The following RNF40 variants were observed in gnomAD, a reference collection of about 807,000 sequenced individuals.
The protein encoded by RNF40 is E3 ubiquitin-protein ligase BRE1B.
In RNF40, 39 loss-of-function variants were observed where a neutral mutation model predicts 123.3. The ratio of observed to expected loss-of-function variants is 0.32; its 90% CI spans 0.24 to 0.41. The LOEUF (loss-of-function observed/expected upper bound fraction) is 0.41, where lower values mean the gene tolerates loss of function less well. Among genes scored for constraint, RNF40 ranks in the 10% least tolerant of loss-of-function variants. The pLI is 1.00. For missense variants in RNF40, 1,003 were observed against 1,319.9 expected (o/e 0.76, Z 3.72); for synonymous variants, 538 against 526.0 (o/e 1.02, Z -0.31).
Position 30,769,395 on chromosome 16 carries a change from C to T in RNF40, c.2457C>T (p.Ser819=), listed in dbSNP as rs201232201. The T allele has an allele frequency of 8.2e-5, 132 of 1,614,174 alleles. No individual in the cohort carries two copies. In the East Asian group the frequency reaches 2.3e-3, roughly 28 times the overall value. ...ELGEQVLGLK[S]QVDAQLLTVQ... is the part of the protein sequence containing the mutation. Reference sequence around the variant, plus strand: ...GCGAGCAGGTCCTTGGCCTCAAGTCCCAGGTATGGCCGCCGCCAGCTTGCA... The same window carrying T: ...GCGAGCAGGTCCTTGGCCTCAAGTCTCAGGTATGGCCGCCGCCAGCTTGCA... The change falls in exon 16 of 20, where the codon TCC becomes TCT. Residue 819 remains serine, a synonymous_variant. Transcript: ENST00000324685.
chr16:30,764,787 T>C, intron 5 of RNF40, 151 bp from the exon 6 acceptor site: 2 of 1,120,102 alleles, frequency 1.8e-6, no homozygotes, highest in African/African-American at 1.6e-5. Flanking sequence ...TTTCCTTCTC[T>C]GTGCAGTGGG....
At chr16:30,769,106 C>A in intron 15 of RNF40, 80 bp from the exon 16 acceptor site, 2 of 1,594,558 alleles carry the variant, frequency 1.3e-6, no homozygotes, top group Non-Finnish European at 1.7e-6. Context: ...TTCTTTGCTT[C>A]GCTGCGTTTT....
intron 17 of RNF40, 121 bp from the exon 18 acceptor site, chr16:30,771,712 A>C: frequency 9.0e-7 from 1 of 1,109,074 alleles, no homozygotes; most frequent in Non-Finnish European, 1.3e-6. Context: ...CTCAGGAGGC[A>C]GGAGCAGCTC....
At chr16:30,763,055 CT>C (rs1256728231) in intron 2 of RNF40, 62 bp from the exon 3 acceptor site, 64 of 1,583,788 alleles carry the variant, frequency 4.0e-5, no homozygotes, top group Non-Finnish European at 5.3e-5. Flanking sequence ...CTCTTTCTCT[CT>C]CTGTGATTGG....
intron 11 of RNF40, chr16:30,767,674 A>G (rs1159352888): frequency 1.5e-5 from 8 of 519,238 alleles, no homozygotes; most frequent in East Asian, 6.1e-5. Context: ...CACATATTCT[A>G]TATTAGCAAA....
Position 30,775,138 on chromosome 16 carries a change from G to A in RNF40, c.*1024G>A, listed in dbSNP as rs143079612. The A allele has an allele frequency of 2.7e-5, 11 of 404,710 alleles. No individual in the cohort carries two copies. Among genetic ancestry groups the A allele is most frequent in the Non-Finnish European group, 5.4e-5 (11 of 203,922 alleles). The allele number at this position is 404,710 out of a possible 1,614,324, so 25.1% of individuals were successfully genotyped here. On this transcript the variant is annotated 3_prime_UTR_variant, in exon 20 of 20. Transcript: ENST00000324685. ...GACCCACAGCCTCTGTTCTAGAGAT[G>A]CTTGTATAGGCTGTTAATTGTGATG...
rs750321882 is a variant in RNF40, at chr16:30,769,292, C to G, written c.2354C>G (p.Ala785Gly). Residue 785 changes from alanine (A) to glycine (G), a missense_variant, in exon 16 of 20, where the codon GCC becomes GGC. Ala to Gly is a moderately conservative substitution (Grantham distance 60). Coordinates refer to ENST00000324685, the MANE Select transcript of RNF40 (RefSeq NM_014771.4). The stretch of plus-strand genomic sequence containing the variant: ...CAGCAGTTGCGGGAAAAGGATGATG[C>G]CAACTTTAAGCTAATGTCAGAGCGG... ...LLQQLREKDD[A>G]NFKLMSERIK... 6.2e-7 allele frequency: 1 copy of G among 1,614,160 alleles called. No homozygotes were observed. Among genetic ancestry groups the G allele is most frequent in the Non-Finnish European group, 8.5e-7 (1 of 1,180,014 alleles).
At position 30,765,297 on chromosome 16, in the gene RNF40, C is replaced by T; in HGVS notation, c.888C>T (p.Leu296=). ...AGCTGCGGAAGCGAGAGCAAAAGCT[C>T]AATAAGCACCTGGCAGAGGCCTTAG... ...IEKLRKREQK[L]NKHLAEALEQ... is the part of the protein sequence containing the mutation. The change falls in exon 7 of 20, where the codon CTC becomes CTT. Residue 296 remains leucine (L), a synonymous_variant. Coordinates refer to ENST00000324685, the MANE Select transcript of RNF40 (RefSeq NM_014771.4). 6.2e-7 allele frequency: 1 copy of T among 1,614,230 alleles called. No homozygotes were observed. Among genetic ancestry groups the T allele is most frequent in the East Asian group, 2.2e-5 (1 of 44,890 alleles).
chr16:30,766,106 G>T lies in RNF40; in HGVS notation c.994-57G>T. ...GTGGAGTGTATGCTGGGGATGTAAG[G>T]GAGGCCTGCTGCCACGTCTGGCCCT... is the stretch of plus-strand genomic sequence containing the variant. On this transcript the variant is annotated intron_variant, in intron 8 of 19. Coordinates refer to ENST00000324685, the MANE Select transcript of RNF40 (RefSeq NM_014771.4). The surrounding 1 kb of genome is among the most constrained non-coding windows in gnomAD (Gnocchi z 5.4). 6.2e-7 allele frequency: 1 copy of T among 1,611,500 alleles called. No homozygotes were observed. The highest frequency in any genetic ancestry group is 1.1e-5 in the South Asian group (1 of 90,328).
Position 30,765,769 on chromosome 16 carries a change from TGTG to T in RNF40, c.993+273_993+275del, listed in dbSNP as rs1404425797. 2.0e-5 allele frequency among the ~76,000 whole-genome samples: 3 copies of T among 152,238 alleles called. No homozygotes were observed. The East Asian group carries it at 5.8e-4, about 29-fold the overall frequency. The stretch of plus-strand genomic sequence containing the variant: ...AAAGAATATATCTTTAGGTTCTACT[TGTG>T]GTAACAGACAAGAAATCAGTAAAAT... On this transcript the variant is annotated intron_variant, in intron 8 of 19. Coordinates refer to ENST00000324685, the MANE Select transcript of RNF40 (RefSeq NM_014771.4).
chr16:30,766,674 TC>T lies in RNF40; in HGVS notation c.1294-65del. On this transcript the variant is annotated intron_variant, in intron 10 of 19. Transcript: ENST00000324685. The surrounding 1 kb of genome is among the most constrained non-coding windows in gnomAD (Gnocchi z 5.4). ...CAGGGGTCCCTGGGGAATAGATTCT[TC>T]CTAAGATACTGAGTCCTGAGGTGGG... 1 of 1,602,322 alleles carries T rather than the reference TC, an allele frequency of 6.2e-7. No homozygotes were observed. Among genetic ancestry groups the T allele is most frequent in the Non-Finnish European group, 8.5e-7 (1 of 1,173,116 alleles).
In RNF40 at chr16:30,772,073, G is replaced by A. The variant is rs2054158216; in HGVS notation, c.2728-16G>A. 6.4e-7 allele frequency: 1 copy of A among 1,567,392 alleles called. No individual in the cohort carries two copies. The highest frequency in any genetic ancestry group is 1.4e-5 in the African/African-American group (1 of 73,610). The stretch of plus-strand genomic sequence containing the variant: ...GTTGAGGACCCTTGCCCTTAGCCAG[G>A]CCTCTCCTGCCCCAGGAGGACATCT... On this transcript the variant is annotated splice_polypyrimidine_tract_variant and intron_variant, in intron 18 of 19. Coordinates refer to ENST00000324685, the MANE Select transcript of RNF40 (RefSeq NM_014771.4).
upstream of RNF40, chr16:30,761,838 G>C (rs1166244955): frequency 1.6e-6 from 2 of 1,262,814 alleles, no homozygotes; most frequent in African/African-American, 3.0e-5. Context: ...TACCAAGGCC[G>C]GGCCCGTTCG....
chr16:30,761,649 A>C (rs1205188903), upstream of RNF40: 1 of 1,535,918 alleles, frequency 6.5e-7, no homozygotes, highest in Non-Finnish European at 8.7e-7. Flanking sequence ...CCATGCACTG[A>C]GCTGCGATCC....
rs945557373 is a variant in RNF40, at chr16:30,766,672, C to A, written c.1294-69C>A. On this transcript the variant is annotated intron_variant, in intron 10 of 19. Transcript: ENST00000324685. This position sits in a 1 kb window ranked among gnomAD's most constrained non-coding sequence, Gnocchi z 5.4. ...GCCAGGGGTCCCTGGGGAATAGATT[C>A]TTCCTAAGATACTGAGTCCTGAGGT... The A allele has an allele frequency of 1.3e-6, 2 of 1,599,894 alleles. No individual in the cohort carries two copies. Among genetic ancestry groups the A allele is most frequent in the Admixed American group, 1.7e-5 (1 of 59,136 alleles).
chr16:30,773,966 C>A lies in RNF40; in HGVS notation c.2858C>A (p.Thr953Asn), dbSNP rs774846930. The A allele has an allele frequency of 1.9e-6, 3 of 1,613,558 alleles. No homozygotes were observed. In the South Asian group the frequency reaches 3.3e-5, roughly 18 times the overall value. Residue 953 changes from threonine (T) to asparagine (N), a missense_variant, in exon 20 of 20, where the codon ACC becomes AAC. Transcript: ENST00000324685. ...CGGTTGACCTGCCCCTGCTGTAACA[C>A]CCGCAAGAAGGATGCAGTCCTTACC... is the stretch of plus-strand genomic sequence containing the variant. ...KARLTCPCCN[T>N]RKKDAVLTKC... is the part of the protein sequence containing the mutation.
chr16:30,766,866 C>T lies in RNF40; in HGVS notation c.1419C>T (p.Asn473=), dbSNP rs765337855. 5.6e-6 allele frequency: 9 copies of T among 1,613,102 alleles called. No homozygotes were observed. The highest frequency in any genetic ancestry group is 2.2e-5 in the East Asian group (1 of 44,904). The change falls in exon 11 of 20, where the codon AAC becomes AAT. Residue 473 remains asparagine, a synonymous_variant. Transcript: ENST00000324685. This position sits in a 1 kb window ranked among gnomAD's most constrained non-coding sequence, Gnocchi z 5.4. The part of the protein sequence containing the change: ...RIEFEQNLAA[N]EQAGPINREM... ...AGTTTGAGCAGAATCTGGCGGCCAA[C>T]GAGCAGGCGGGTATGTGGTGAGGAT...
chr16:30,775,115 C>T lies in RNF40; in HGVS notation c.*1001C>T. Reference sequence around the variant, plus strand: ...TTGGAGCTGCAGGGACCCGTTTGGACCCACAGCCTCTGTTCTAGAGATGCT... The same window carrying T: ...TTGGAGCTGCAGGGACCCGTTTGGATCCACAGCCTCTGTTCTAGAGATGCT... On this transcript the variant is annotated 3_prime_UTR_variant, in exon 20 of 20. Transcript: ENST00000324685. 2.2e-6 allele frequency: 1 copy of T among 445,604 alleles called. No homozygotes were observed. Among genetic ancestry groups the T allele is most frequent in the East Asian group, 7.0e-5 (1 of 14,336 alleles). 27.6% of individuals were successfully genotyped at this position (445,604 alleles called of 1,614,324 possible).
intron 15 of RNF40, 84 bp downstream of exon 15, chr16:30,769,071 TTGA>T (rs2151331795): frequency 1.3e-6 from 2 of 1,591,428 alleles, no homozygotes; most frequent in Admixed American, 1.7e-5. Context: ...CTGCAGGACC[TTGA>T]TGATCTGGGT....
Sources: gnomAD v4.1 joint callset for allele counts (sites outside exome capture counted in the v4.1 genomes callset) on GRCh38, gnomAD v4.1.1 for gene constraint, Gnocchi (gnomAD v3.1) non-coding constraint, MANE v1.5 for transcripts, NCBI Gene and HGNC (gene_info 2026-07-23, HGNC 2026-07-21) for gene names.